Variants in TYW1 observed in about 807,000 individuals in gnomAD.
TYW1 encodes S-adenosyl-L-methionine-dependent tRNA 4-demethylwyosine synthase TYW1.
TYW1 carries 46 observed loss-of-function variants against 96.2 expected under a neutral mutation model. The ratio of observed to expected loss-of-function variants is 0.48; its 90% CI spans 0.38 to 0.61. The LOEUF is 0.61. Among genes scored for constraint, TYW1 ranks in the 20% least tolerant of loss-of-function variants. The pLI is 0.00. For missense variants in TYW1, 684 were observed against 909.6 expected (o/e 0.75, Z 3.19); for synonymous variants, 274 against 323.0 (o/e 0.85, Z 1.63).
chr7:67,108,628 A>G lies in TYW1; in HGVS notation c.1563-8855A>G, dbSNP rs193211543. Among the ~76,000 whole-genome samples the G allele has an allele frequency of 1.7e-4, 25 of 150,108 alleles. No individual in the cohort carries two copies. In the East Asian group the frequency reaches 4.1e-3, roughly 24 times the overall value. ...GCTAATTTTTTTATTTTCTGAGAGA[A>G]ACGGGGTTTCACCATGTTGGCCAGG... is the stretch of plus-strand genomic sequence containing the variant. On this transcript the variant is annotated intron_variant, in intron 12 of 15. Transcript: ENST00000359626.
At chr7:67,229,655 A>AAAC (rs111881148) in intron 15 of TYW1, among the ~76,000 whole-genome samples, 3 of 77,816 alleles carry the variant, frequency 3.9e-5, no homozygotes, top group East Asian at 2.2e-4. Context: ...TCAAACAAAC[A>AAAC]AAAAAAACAA....
chr7:67,125,581 C>T (rs1410407550), intron 13 of TYW1, among the ~76,000 whole-genome samples: 3 of 152,086 alleles, frequency 2.0e-5, no homozygotes, highest in African/African-American at 7.2e-5. Flanking sequence ...CATTATCAGC[C>T]ATGGTCTGTA....
At chr7:67,074,779 A>C (rs1160122213) in intron 10 of TYW1, among the ~76,000 whole-genome samples, 1 of 151,994 alleles carries the variant, frequency 6.6e-6, no homozygotes, top group Non-Finnish European at 1.5e-5. Flanking sequence ...CCTTCCTTAC[A>C]GGGTTGCTGT....
intron 10 of TYW1, among the ~76,000 whole-genome samples, chr7:67,069,278 C>T (rs767387451): frequency 6.6e-6 from 1 of 152,180 alleles, no homozygotes; most frequent in Non-Finnish European, 1.5e-5. Context: ...TTATTTGACT[C>T]AATAGCAGTC....
At chr7:67,018,969 AAAAAG>A (rs1242449428) in intron 6 of TYW1, among the ~76,000 whole-genome samples, 1 of 151,410 alleles carries the variant, frequency 6.6e-6, no homozygotes, top group Non-Finnish European at 1.5e-5. Flanking sequence ...AAAAAAAAAA[AAAAAG>A]AAAAAAACAA....
At chr7:67,218,415 A>G (rs1287683723) in intron 15 of TYW1, among the ~76,000 whole-genome samples, 1 of 151,184 alleles carries the variant, frequency 6.6e-6, no homozygotes, top group Non-Finnish European at 1.5e-5. Flanking sequence ...GTGCAGTGGC[A>G]TGGTCTCAAC....
In TYW1 at chr7:66,997,320, TAA is replaced by T. The variant is rs35598285; in HGVS notation, c.4+350_4+351del. Among the ~76,000 whole-genome samples the T allele has an allele frequency of 2.1e-3, 317 of 149,310 alleles. 1 individual carries two copies. Among genetic ancestry groups the T allele is most frequent in the African/African-American group, 6.0e-3 (246 of 40,818 alleles). On this transcript the variant is annotated intron_variant, in intron 1 of 15. Transcript: ENST00000359626. ...AAGCCAGGTCCCTGCATATCTCTCT[TAA>T]AAAAAAAAAAATGAGGTGTAAGGTC...
intron 7 of TYW1, among the ~76,000 whole-genome samples, chr7:67,038,071 C>T (rs557508357): frequency 4.2e-4 from 64 of 151,866 alleles, no homozygotes; most frequent in African/African-American, 1.4e-3. Flanking sequence ...GAGGCCGAGG[C>T]GGGCAGATCA....
chr7:67,152,457 G>A (rs1798832349), intron 13 of TYW1, among the ~76,000 whole-genome samples: 1 of 151,792 alleles, frequency 6.6e-6, no homozygotes, highest in African/African-American at 2.4e-5. Context: ...CTTCTTTGCT[G>A]GCATCTTCCC....
chr7:67,144,551 A>G (rs1798545591), intron 13 of TYW1, among the ~76,000 whole-genome samples: 1 of 152,090 alleles, frequency 6.6e-6, no homozygotes, highest in African/African-American at 2.4e-5. Context: ...AGCTCACTGC[A>G]GCCTCCACCT....
chr7:67,189,070 A>G (rs1800118629), intron 14 of TYW1, among the ~76,000 whole-genome samples: 1 of 152,196 alleles, frequency 6.6e-6, no homozygotes, highest in African/African-American at 2.4e-5. Flanking sequence ...TGCTTGTAGC[A>G]CTAACCTAAT....
At chr7:67,215,295 C>T (rs1801167009) in intron 15 of TYW1, among the ~76,000 whole-genome samples, 1 of 152,008 alleles carries the variant, frequency 6.6e-6, no homozygotes, top group Non-Finnish European at 1.5e-5. Context: ...CCACTTGACG[C>T]AGTCACAAGT....
intron 10 of TYW1, among the ~76,000 whole-genome samples, chr7:67,069,712 C>G (rs557369122): frequency 6.6e-6 from 1 of 152,098 alleles, no homozygotes; most frequent in African/African-American, 2.4e-5. Flanking sequence ...GCACTCCAGC[C>G]TGGGTGGCAG....
chr7:67,236,473 G>C (rs927025887), intron 15 of TYW1, among the ~76,000 whole-genome samples: 4 of 152,204 alleles, frequency 2.6e-5, no homozygotes, highest in Admixed American at 2.6e-4. Flanking sequence ...GAGCGGCCAG[G>C]GAAAAGGAGG....
chr7:67,008,869 T>G (rs1414289383), intron 3 of TYW1, among the ~76,000 whole-genome samples: 1 of 151,790 alleles, frequency 6.6e-6, no homozygotes, highest in Non-Finnish European at 1.5e-5. Flanking sequence ...ACCATGTTGG[T>G]CAGGCTGGTC....
chr7:67,149,777 T>TATCTCC, intron 13 of TYW1, among the ~76,000 whole-genome samples: 1 of 87,342 alleles, frequency 1.1e-5, no homozygotes, highest in Non-Finnish European at 2.4e-5. Flanking sequence ...TATCTATCTC[T>TATCTCC]CTATGTTAAA....
chr7:67,222,809 C>T (rs1266886637), intron 15 of TYW1, among the ~76,000 whole-genome samples: 1 of 150,786 alleles, frequency 6.6e-6, no homozygotes, highest in Non-Finnish European at 1.5e-5. Context: ...TTGCCACGTG[C>T]AAATGTCAGT....
At chr7:67,175,249 G>A (rs1458935400) in intron 13 of TYW1, among the ~76,000 whole-genome samples, 3 of 146,958 alleles carry the variant, frequency 2.0e-5, no homozygotes, top group Admixed American at 1.4e-4. Context: ...TCAGCTCACC[G>A]CAACCTCCAC....
At chr7:67,072,309 T>C (rs9654848) in intron 10 of TYW1, among the ~76,000 whole-genome samples, 61,976 of 148,978 alleles carry the variant, frequency 0.42, 12,975 homozygotes, top group African/African-American at 0.46. Flanking sequence ...TGCAATGGGA[T>C]GATCTTGGCT....
Sources: gnomAD v4.1 joint callset for allele counts (sites outside exome capture counted in the v4.1 genomes callset) on GRCh38, gnomAD v4.1.1 for gene constraint, MANE v1.5 for transcripts, NCBI Gene and HGNC (gene_info 2026-07-23, HGNC 2026-07-21) for gene names.